LRRC7: variants seen among roughly 807,000 people sequenced by gnomAD.
The protein encoded by LRRC7 is leucine rich repeat containing 7, also known as leucine-rich repeat-containing protein 7.
A neutral mutation model predicts 175.7 loss-of-function variants in LRRC7; 23 were observed. That is an observed-to-expected ratio of 0.13 (90% CI 0.09 to 0.19). The LOEUF (loss-of-function observed/expected upper bound fraction) is 0.19. LRRC7 is among the 10% of genes least tolerant of loss of function. The probability of loss-of-function intolerance (pLI) is 1.00; values close to 1 mark genes in which losing one functional copy is unlikely to be tolerated. For synonymous variants in LRRC7, 685 were observed against 680.9 expected (o/e 1.01, Z -0.09); for missense variants, 1,354 against 1,904.7 (o/e 0.71, Z 5.38).
intron 24 of LRRC7, among the ~76,000 whole-genome samples, chr1:70,080,618 G>A (rs1419575835): frequency 6.6e-6 from 1 of 152,182 alleles, no homozygotes; most frequent in Admixed American, 6.5e-5. Context: ...TGGAAGTTAT[G>A]TTTCAACTAT....
intron 3 of LRRC7, among the ~76,000 whole-genome samples, chr1:69,781,688 G>GAAGAAAGAAGA (rs1673532696): frequency 2.3e-5 from 1 of 43,906 alleles, no homozygotes; most frequent in African/African-American, 1.2e-4. Flanking sequence ...TCAAAAAAAA[G>GAAGAAAGAAGA]AAGAAAGAAA....
Position 69,781,733 on chromosome 1 carries a change from A to AGAG in LRRC7, c.304-10310_304-10309insGAG, listed in dbSNP as rs1673596593. 1.7e-4 allele frequency among the ~76,000 whole-genome samples: 4 copies of AGAG among 23,542 alleles called. 1 individual carries two copies. Among genetic ancestry groups the AGAG allele is most frequent in the African/African-American group, 2.5e-4 (1 of 4,014 alleles). 15.4% of individuals were successfully genotyped at this position (23,542 alleles called of 152,430 possible). The stretch of plus-strand genomic sequence containing the variant: ...AAAGAAAGAAAGAAAGAAAGAAAGA[A>AGAG]AGAGAGAGAGAGAGAGAGAGAGAGA... On this transcript the variant is annotated intron_variant, in intron 3 of 26. Coordinates refer to ENST00000651989, the MANE Select transcript of LRRC7 (RefSeq NM_001370785.2).
At chr1:70,040,176 A>C (rs191983469) in intron 21 of LRRC7, among the ~76,000 whole-genome samples, 1 of 152,328 alleles carries the variant, frequency 6.6e-6, no homozygotes, top group African/African-American at 2.4e-5. Flanking sequence ...TAAAAAGTGG[A>C]TATTTCCCCC....
At chr1:70,106,731 T>C (rs1170948607) in intron 25 of LRRC7, among the ~76,000 whole-genome samples, 1 of 152,168 alleles carries the variant, frequency 6.6e-6, no homozygotes, top group Admixed American at 6.6e-5. Flanking sequence ...ACTCCAGCCA[T>C]AGCAGAACCA....
intron 4 of LRRC7, among the ~76,000 whole-genome samples, chr1:69,809,090 G>T (rs564681469): frequency 6.6e-6 from 1 of 151,752 alleles, no homozygotes; most frequent in Non-Finnish European, 1.5e-5. Flanking sequence ...GGTAAAGGGG[G>T]TATCACCACT....
intron 11 of LRRC7, among the ~76,000 whole-genome samples, chr1:69,997,509 T>C (rs1187671979): frequency 3.3e-5 from 5 of 152,110 alleles, no homozygotes; most frequent in East Asian, 1.9e-4. Context: ...CCAGTTTTTG[T>C]CCATTCAGTA....
intron 1 of LRRC7, among the ~76,000 whole-genome samples, chr1:69,606,122 G>A (rs565051264): frequency 6.6e-6 from 1 of 152,182 alleles, no homozygotes; most frequent in Admixed American, 6.5e-5. Flanking sequence ...AGTACAAAAT[G>A]CCCTTAGCAT....
intron 23 of LRRC7, among the ~76,000 whole-genome samples, chr1:70,068,067 C>G (rs904577806): frequency 2.0e-5 from 3 of 152,018 alleles, no homozygotes; most frequent in African/African-American, 7.2e-5. Flanking sequence ...AGAACAGCTT[C>G]TTTTTTCTTT....
chr1:69,686,672 A>G (rs1005766175), intron 2 of LRRC7, among the ~76,000 whole-genome samples: 14 of 152,170 alleles, frequency 9.2e-5, no homozygotes, highest in African/African-American at 3.4e-4. Context: ...TGAAGGAAAA[A>G]GAAACATAGA....
At chr1:69,923,662 T>C (rs1398079758) in intron 7 of LRRC7, among the ~76,000 whole-genome samples, 1 of 152,224 alleles carries the variant, frequency 6.6e-6, no homozygotes, top group Non-Finnish European at 1.5e-5. Context: ...TGTTTTTTTC[T>C]TGTAAATTTG....
intron 9 of LRRC7, among the ~76,000 whole-genome samples, chr1:69,985,886 C>T (rs12031827): frequency 0.062 from 9,411 of 152,076 alleles, 286 homozygotes; most frequent in South Asian, 0.11. Flanking sequence ...CATCAGTTGA[C>T]GGACATTTGG....
At chr1:69,787,230 A>G (rs1375910431) in intron 3 of LRRC7, among the ~76,000 whole-genome samples, 3 of 152,206 alleles carry the variant, frequency 2.0e-5, no homozygotes, top group South Asian at 4.1e-4. Context: ...GTGGCCTCGC[A>G]GGGTACGGCC....
intron 26 of LRRC7, among the ~76,000 whole-genome samples, chr1:70,121,531 T>C (rs540862149): frequency 6.6e-6 from 1 of 152,216 alleles, no homozygotes; most frequent in African/African-American, 2.4e-5. Context: ...CTATCTGTTA[T>C]TGACCAGGGT....
chr1:69,888,866 T>C (rs1218884870), intron 7 of LRRC7, among the ~76,000 whole-genome samples: 1 of 152,134 alleles, frequency 6.6e-6, no homozygotes, highest in Non-Finnish European at 1.5e-5. Context: ...AGCATAAGAA[T>C]ATATTGAGTA....
At chr1:70,032,540 C>T (rs1658864424) in intron 18 of LRRC7, among the ~76,000 whole-genome samples, 1 of 152,158 alleles carries the variant, frequency 6.6e-6, no homozygotes, top group African/African-American at 2.4e-5. Context: ...TCCCCATCCT[C>T]CTTTAATCCT....
chr1:70,115,818 C>T (rs1000361557), intron 26 of LRRC7, among the ~76,000 whole-genome samples: 14 of 151,728 alleles, frequency 9.2e-5, no homozygotes, highest in African/African-American at 3.4e-4. Flanking sequence ...ATTTAAGAGC[C>T]TGATAAAACA....
At chr1:69,584,422 G>A (rs116822218) in intron 1 of LRRC7, among the ~76,000 whole-genome samples, 1,664 of 152,108 alleles carry the variant, frequency 0.011, 34 homozygotes, top group African/African-American at 0.038. Flanking sequence ...TTAGTAGCAT[G>A]CATAGTTGAA....
intron 8 of LRRC7, among the ~76,000 whole-genome samples, chr1:69,968,088 AATAG>A (rs1478965835): frequency 6.6e-6 from 1 of 152,118 alleles, no homozygotes; most frequent in Non-Finnish European, 1.5e-5. Context: ...TATTCAATGA[AATAG>A]ATAGCATAAA....
At chr1:69,665,580 A>G (rs1349674300) in intron 1 of LRRC7, among the ~76,000 whole-genome samples, 2 of 152,048 alleles carry the variant, frequency 1.3e-5, no homozygotes, top group Non-Finnish European at 2.9e-5. Flanking sequence ...TTTTATTTGT[A>G]GCCATTGTGA....
Sources: allele counts gnomAD v4.1 joint callset (sites outside exome capture counted in the v4.1 genomes callset), GRCh38; gene constraint gnomAD v4.1.1; transcripts MANE v1.5; gene names NCBI Gene and HGNC (gene_info 2026-07-23, HGNC 2026-07-21).